The following HEPHL1 variants were observed in gnomAD, a reference collection of about 807,000 sequenced individuals.
HEPHL1 encodes the protein ferroxidase HEPHL1.
In HEPHL1, 123 loss-of-function variants were observed where a neutral mutation model predicts 122.0. The observed-to-expected ratio is 1.01, with a 90% confidence interval of 0.87 to 1.17. The LOEUF (loss-of-function observed/expected upper bound fraction) is 1.17, where lower values mean the gene tolerates loss of function less well. Among genes scored for constraint, HEPHL1 ranks in the 50% most tolerant of loss-of-function variants. HEPHL1 has a pLI of 0.00. For missense variants in HEPHL1, 1,452 were observed against 1,430.5 expected, an observed-to-expected ratio of 1.01 and a Z score of -0.24; for synonymous variants, 527 against 508.9, an observed-to-expected ratio of 1.04 and a Z score of -0.48.
chr11:94,082,492 C>T lies in HEPHL1; in HGVS notation c.1791C>T (p.Asn597=), dbSNP rs768787594. The T allele has an allele frequency of 1.4e-5, 23 of 1,612,778 alleles. No homozygotes were observed. Among genetic ancestry groups the T allele is most frequent in the Non-Finnish European group, 2.0e-5 (23 of 1,179,080 alleles). The change falls in exon 10 of 20, where the codon AAC becomes AAT. Residue 597 remains asparagine (N), a synonymous_variant. Transcript: ENST00000315765. ...ATCTGAGCAGATATTTTGATGAAAA[C>T]ATTCAGAAGTTTATCTGGCATCCCT... ...DENLSRYFDE[N]IQKFIWHPFS...
chr11:94,047,456 G>A lies in HEPHL1; in HGVS notation c.415+1539G>A, dbSNP rs868114029. ...CTCCCACTTATAAGTGAGAATATGC[G>A]ATATTTGGTTTTCTCTTCCTGTGTT... On this transcript the variant is annotated intron_variant, in intron 2 of 19. Coordinates refer to ENST00000315765, the MANE Select transcript of HEPHL1 (RefSeq NM_001098672.2). Among the ~76,000 whole-genome samples the A allele has an allele frequency of 4.6e-5, 7 of 152,206 alleles. No individual in the cohort carries two copies. The Middle Eastern group carries it at 0.01, about 222-fold the overall frequency.
rs1401942277 is a variant in HEPHL1, at chr11:94,063,631, A to G, written c.539A>G (p.Asn180Ser). 8 of 1,613,918 alleles carry G rather than the reference A, an allele frequency of 5.0e-6. No individual in the cohort carries two copies. In the East Asian group the frequency reaches 1.8e-4, roughly 36 times the overall value. Residue 180 changes from asparagine to serine, a missense_variant, in exon 3 of 20, where the codon AAC becomes AGC. By Grantham distance (46) the Asn-to-Ser change is conservative (BLOSUM62 1). Coordinates refer to ENST00000315765, the MANE Select transcript of HEPHL1 (RefSeq NM_001098672.2). ...TATGCACCTACTCCAGCCGATGCCAACTGCCTGACCTGGGTGTACCATTCG... is the reference window on the plus strand; with the variant it reads ...TATGCACCTACTCCAGCCGATGCCAGCTGCCTGACCTGGGTGTACCATTCG... The part of the protein sequence containing the change: ...EEYAPTPADA[N>S]CLTWVYHSHI...
intron 1 of HEPHL1, among the ~76,000 whole-genome samples, chr11:94,042,563 A>G (rs1221765391): frequency 6.6e-6 from 1 of 151,384 alleles, no homozygotes. Flanking sequence ...TGATGAGTTC[A>G]TGTCCTTTGT....
Position 94,045,816 on chromosome 11 carries a change from G to A in HEPHL1, c.314G>A (p.Arg105Lys), listed in dbSNP as rs995169156. Residue 105 changes from arginine (R) to lysine (K), a missense_variant, in exon 2 of 20, where the codon AGG becomes AAG. Arg to Lys is a conservative substitution (Grantham distance 26). Coordinates refer to ENST00000315765, the MANE Select transcript of HEPHL1 (RefSeq NM_001098672.2). Reference protein sequence around the residue: ...PWLGFLGPILRAEVGDVIVIH... With the variant: ...PWLGFLGPILKAEVGDVIVIH... ...CTTGGATTCCTGGGCCCCATCTTGA[G>A]GGCCGAAGTGGGTGATGTGATTGTC... The A allele has an allele frequency of 1.2e-6, 2 of 1,613,836 alleles. No individual in the cohort carries two copies. Among genetic ancestry groups the A allele is most frequent in the African/African-American group, 2.7e-5 (2 of 74,928 alleles).
In HEPHL1 at chr11:94,106,107, C is replaced by T; in HGVS notation, c.3022C>T (p.His1008Tyr). ...SEVDIHTIHY[H>Y]AESFLFKIDK... ...AGTGGACATACATACCATCCATTAT[C>T]ATGCTGAGAGCTTTCTTTTCAAAGT... The change falls in exon 17 of 20, where the codon CAT (histidine) becomes TAT (tyrosine). Residue 1008 changes from histidine to tyrosine, a missense_variant. Coordinates refer to ENST00000315765, the MANE Select transcript of HEPHL1 (RefSeq NM_001098672.2). The T allele has an allele frequency of 1.3e-6, 2 of 1,576,650 alleles. No homozygotes were observed. Among genetic ancestry groups the T allele is most frequent in the Non-Finnish European group, 1.7e-6 (2 of 1,156,258 alleles).
chr11:94,052,983 C>T (rs889827188), intron 2 of HEPHL1, among the ~76,000 whole-genome samples: 1 of 151,998 alleles, frequency 6.6e-6, no homozygotes. Context: ...ATACTTGCCT[C>T]ATAGAAGGAA....
intron 13 of HEPHL1, among the ~76,000 whole-genome samples, chr11:94,100,940 TCAGA>T (rs1946362664): frequency 6.6e-6 from 1 of 152,150 alleles, no homozygotes; most frequent in Non-Finnish European, 1.5e-5. Flanking sequence ...AAACTGAAAC[TCAGA>T]CAGATTACAT....
chr11:94,034,710 C>A (rs1591461946), intron 1 of HEPHL1, among the ~76,000 whole-genome samples: 1 of 152,212 alleles, frequency 6.6e-6, no homozygotes, highest in African/African-American at 2.4e-5. Flanking sequence ...AAGAAAGTCC[C>A]AGACTAGACA....
intron 12 of HEPHL1, among the ~76,000 whole-genome samples, chr11:94,089,532 G>A (rs1299522427): frequency 6.6e-6 from 1 of 152,216 alleles, no homozygotes; most frequent in East Asian, 1.9e-4. Context: ...TAACAGTGCT[G>A]TTGGCCAGTG....
intron 4 of HEPHL1, among the ~76,000 whole-genome samples, chr11:94,065,406 A>G (rs1946025213): frequency 6.6e-6 from 1 of 152,232 alleles, no homozygotes; most frequent in Non-Finnish European, 1.5e-5. Context: ...CAAAGTGATA[A>G]TTAATGCCAG....
chr11:94,090,203 C>A (rs1228637125), intron 12 of HEPHL1, among the ~76,000 whole-genome samples: 3 of 151,966 alleles, frequency 2.0e-5, no homozygotes, highest in African/African-American at 7.3e-5. Flanking sequence ...CTGTATTCTG[C>A]AAAACTAGTG....
At chr11:94,029,401 CTATGGCCCATCTA>C (rs1214924803) in intron 1 of HEPHL1, among the ~76,000 whole-genome samples, 2 of 152,148 alleles carry the variant, frequency 1.3e-5, no homozygotes, top group Non-Finnish European at 2.9e-5. Flanking sequence ...TGCCAGAACA[CTATGGCCCATCTA>C]ACTTGCAAAA....
At chr11:94,083,162 C>T (rs1189656184) in intron 10 of HEPHL1, among the ~76,000 whole-genome samples, 1 of 152,130 alleles carries the variant, frequency 6.6e-6, no homozygotes, top group East Asian at 1.9e-4. Flanking sequence ...AACTACTCTC[C>T]CTTGGGTTCA....
rs183254479 is a variant in HEPHL1 at position 94,066,542 on chromosome 11, C to T, written c.809-954C>T. On this transcript the variant is annotated intron_variant, in intron 4 of 19. Coordinates refer to ENST00000315765, the MANE Select transcript of HEPHL1 (RefSeq NM_001098672.2). The stretch of plus-strand genomic sequence containing the variant: ...GCACTTCAGCCTGGGTGTGACAGAG[C>T]GAGACTCCATCTCAAAAGAAAAAAA... Among the ~76,000 whole-genome samples the T allele has an allele frequency of 1.4e-3, 218 of 150,576 alleles. 1 individual carries two copies. Among genetic ancestry groups the T allele is most frequent in the Non-Finnish European group, 2.0e-3 (139 of 67,858 alleles).
At chr11:94,088,523 TC>T (rs528160415) in intron 11 of HEPHL1, among the ~76,000 whole-genome samples, 41 of 151,754 alleles carry the variant, frequency 2.7e-4, no homozygotes, top group Admixed American at 9.8e-4. Flanking sequence ...ATTGTAAGTT[TC>T]TTTTTTTATA....
At chr11:94,083,020 G>A (rs1225870985) in intron 10 of HEPHL1, among the ~76,000 whole-genome samples, 1 of 152,042 alleles carries the variant, frequency 6.6e-6, no homozygotes, top group Non-Finnish European at 1.5e-5. Context: ...ACCCGGAGGT[G>A]GAGGTTGCAG....
At chr11:94,095,815 CTGTT>C (rs201670040) in intron 13 of HEPHL1, among the ~76,000 whole-genome samples, 3,799 of 152,222 alleles carry the variant, frequency 0.025, 157 homozygotes, top group African/African-American at 0.087. Flanking sequence ...ATTTAGCTCT[CTGTT>C]TGTCTGTTAT....
rs1172590242 is a variant in HEPHL1 at position 94,093,104 on chromosome 11, G to A, written c.2295-397G>A. ...GGTGGTAGAGGGTGGACGTGTATGT[G>A]TGTGTGTGTGTGTGTGTGTGTGTGT... On this transcript the variant is annotated intron_variant, in intron 12 of 19. Coordinates refer to ENST00000315765, the MANE Select transcript of HEPHL1 (RefSeq NM_001098672.2). Among the ~76,000 whole-genome samples, 15 of 35,240 alleles carry A rather than the reference G, an allele frequency of 4.3e-4. 1 individual carries two copies. Among genetic ancestry groups the A allele is most frequent in the Admixed American group, 1.1e-3 (3 of 2,668 alleles). The allele number at this position is 35,240 out of a possible 152,430, so 23.1% of individuals were successfully genotyped here.
At chr11:94,072,298 G>T (rs971140001) in intron 6 of HEPHL1, among the ~76,000 whole-genome samples, 1 of 152,086 alleles carries the variant, frequency 6.6e-6, no homozygotes, top group African/African-American at 2.4e-5. Flanking sequence ...TGTGATTAGG[G>T]CATGAACTGG....
Sources: gnomAD v4.1 joint callset for allele counts (sites outside exome capture counted in the v4.1 genomes callset) on GRCh38, gnomAD v4.1.1 for gene constraint, MANE v1.5 for transcripts, NCBI Gene and HGNC (gene_info 2026-07-23, HGNC 2026-07-21) for gene names.